Variants in TBC1D19 observed in about 807,000 individuals in gnomAD.
The protein encoded by TBC1D19 is TBC1 domain family member 19, also known as TBC1 domain family, member 19.
Under a neutral mutation model 89.0 loss-of-function variants are expected in TBC1D19, and 60 were observed. The ratio of observed to expected loss-of-function variants is 0.67; its 90% CI spans 0.55 to 0.84. The LOEUF (loss-of-function observed/expected upper bound fraction) is 0.84, where lower values mean the gene tolerates loss of function less well. Ranked by LOEUF, TBC1D19 falls within the 40% of genes least tolerant of loss-of-function variation. The pLI, the probability that TBC1D19 is intolerant of heterozygous loss-of-function variation, is 0.00. For synonymous variants in TBC1D19, 189 were observed against 199.7 expected, an observed-to-expected ratio of 0.95 and a Z score of 0.45; for missense variants, 500 against 610.8, an observed-to-expected ratio of 0.82 and a Z score of 1.91.
chr4:26,832,647 T>G, the TBC1D19 span, among the ~76,000 whole-genome samples: 2 of 152,166 alleles, frequency 1.3e-5, no homozygotes, highest in Non-Finnish European at 2.9e-5. Context: ...AGGAAGGAGC[T>G]GGACTGGACA....
At chr4:26,831,584 T>G in the TBC1D19 span, among the ~76,000 whole-genome samples, 8 of 130,088 alleles carry the variant, frequency 6.1e-5, no homozygotes, top group Admixed American at 2.1e-4. Flanking sequence ...TCTTCTTTTT[T>G]TTTTTTCTTT....
In TBC1D19 at chr4:26,755,827, A is replaced by G. The variant is rs974186736; in HGVS notation, c.*880A>G. ...CTGAGAGAGATTAAAAGTAGGTAGT[A>G]GGCATTCATTCTAAACTGCAGACAT... On this transcript the variant is annotated 3_prime_UTR_variant, in exon 21 of 21. Coordinates refer to ENST00000264866, the MANE Select transcript of TBC1D19 (RefSeq NM_018317.4). Among the ~76,000 whole-genome samples, 1 of 152,212 alleles carries G rather than the reference A, an allele frequency of 6.6e-6. No homozygotes were observed. Among genetic ancestry groups the G allele is most frequent in the Admixed American group, 6.5e-5 (1 of 15,276 alleles).
At chr4:26,813,441 G>T in the TBC1D19 span, among the ~76,000 whole-genome samples, 5 of 152,122 alleles carry the variant, frequency 3.3e-5, no homozygotes, top group Non-Finnish European at 7.4e-5. Flanking sequence ...AAATTAATGA[G>T]AAGTTATTTA....
chr4:26,739,945 G>C lies in TBC1D19; in HGVS notation c.1199G>C (p.Arg400Thr). 1 of 1,594,748 alleles carries C rather than the reference G, an allele frequency of 6.3e-7. No homozygotes were observed. The highest frequency in any genetic ancestry group is 8.5e-7 in the Non-Finnish European group (1 of 1,171,230). Reference sequence around the variant, plus strand: ...GAGATGTATGTGCGTTTTTTCTTCAGACTCCATTCCATCTCTTCTCATCCT... The same window carrying C: ...GAGATGTATGTGCGTTTTTTCTTCACACTCCATTCCATCTCTTCTCATCCT... ...FREMYVRFFFRLHSISSHPSG... is the reference protein window; with the variant it reads ...FREMYVRFFFTLHSISSHPSG... The change falls in exon 17 of 21, where the codon AGA becomes ACA. Residue 400 changes from arginine (R) to threonine (T), a missense_variant. Physicochemically the swap from Arg to Thr is moderately conservative, Grantham distance 71 (BLOSUM62 -1). Coordinates refer to ENST00000264866, the MANE Select transcript of TBC1D19 (RefSeq NM_018317.4).
the TBC1D19 span, among the ~76,000 whole-genome samples, chr4:26,799,306 C>G: frequency 6.6e-6 from 1 of 152,046 alleles, no homozygotes; most frequent in Non-Finnish European, 1.5e-5. Flanking sequence ...CACTGTACTC[C>G]AGCCTGGGTG....
chr4:26,666,040 C>T (rs888171133), intron 8 of TBC1D19, among the ~76,000 whole-genome samples: 9 of 151,818 alleles, frequency 5.9e-5, no homozygotes, highest in African/African-American at 2.2e-4. Flanking sequence ...GTGTCTTTCC[C>T]ATTATATATT....
chr4:26,631,418 G>A (rs1358874885), intron 4 of TBC1D19, among the ~76,000 whole-genome samples: 1 of 151,980 alleles, frequency 6.6e-6, no homozygotes, highest in African/African-American at 2.4e-5. Context: ...CAGGAATGCT[G>A]TTTTATTCAT....
At chr4:26,602,937 G>T (rs1740733450) in intron 1 of TBC1D19, among the ~76,000 whole-genome samples, 1 of 152,178 alleles carries the variant, frequency 6.6e-6, no homozygotes, top group Non-Finnish European at 1.5e-5. Flanking sequence ...AAATAAGATG[G>T]TTATCTAGAA....
intron 18 of TBC1D19, among the ~76,000 whole-genome samples, chr4:26,746,191 A>G (rs1235000605): frequency 6.6e-6 from 1 of 152,034 alleles, no homozygotes; most frequent in African/African-American, 2.4e-5. Flanking sequence ...AAGATGAAGA[A>G]AAATAAGGTT....
At chr4:26,772,965 CT>C in the TBC1D19 span, among the ~76,000 whole-genome samples, 1 of 152,142 alleles carries the variant, frequency 6.6e-6, no homozygotes, top group South Asian at 2.1e-4. Flanking sequence ...ATATATATTC[CT>C]TTGGGTATAT....
chr4:26,605,938 ATATTT>A (rs1292748248), intron 1 of TBC1D19, among the ~76,000 whole-genome samples: 5 of 152,194 alleles, frequency 3.3e-5, no homozygotes, highest in Admixed American at 2.0e-4. Flanking sequence ...TAATAAACAA[ATATTT>A]TAATTGTTTT....
At chr4:26,801,220 A>G in the TBC1D19 span, among the ~76,000 whole-genome samples, 1 of 152,232 alleles carries the variant, frequency 6.6e-6, no homozygotes, top group Non-Finnish European at 1.5e-5. Flanking sequence ...TCAGCTTTCT[A>G]CATATGGCTA....
At chr4:26,765,755 A>G in the TBC1D19 span, among the ~76,000 whole-genome samples, 4 of 152,078 alleles carry the variant, frequency 2.6e-5, no homozygotes, top group African/African-American at 4.8e-5. Context: ...TCTCTGCTCT[A>G]TCACTACACT....
the TBC1D19 span, among the ~76,000 whole-genome samples, chr4:26,792,816 C>T: frequency 1.3e-5 from 2 of 152,196 alleles, no homozygotes; most frequent in Admixed American, 1.3e-4. Flanking sequence ...AGCTGGGTTC[C>T]AGCCAGGCCT....
chr4:26,586,885 A>G lies in TBC1D19; in HGVS notation c.99+2593A>G, dbSNP rs571354802. On this transcript the variant is annotated intron_variant, in intron 1 of 20. Coordinates refer to ENST00000264866, the MANE Select transcript of TBC1D19 (RefSeq NM_018317.4). ...TTAAGATTTTCCAGGTACATGTATC[A>G]TAATGAACTAAAGACAGTTTTACTT... 3.3e-5 allele frequency among the ~76,000 whole-genome samples: 5 copies of G among 152,334 alleles called. No individual in the cohort carries two copies. The East Asian group carries it at 9.6e-4, about 29-fold the overall frequency.
the TBC1D19 span, among the ~76,000 whole-genome samples, chr4:26,784,685 G>A: frequency 3.1e-4 from 47 of 152,202 alleles, no homozygotes; most frequent in African/African-American, 7.7e-4. Context: ...GCTTTCCTCC[G>A]CCTACAAAGC....
At chr4:26,836,546 G>A in the TBC1D19 span, among the ~76,000 whole-genome samples, 5 of 152,206 alleles carry the variant, frequency 3.3e-5, no homozygotes, top group Non-Finnish European at 7.3e-5. Context: ...GCTCTGTAGA[G>A]GTACGAACAG....
intron 7 of TBC1D19, among the ~76,000 whole-genome samples, chr4:26,643,978 C>T (rs185114604): frequency 1.9e-4 from 29 of 152,210 alleles, no homozygotes; most frequent in South Asian, 8.3e-4. Context: ...GATTCACAGC[C>T]GAATTCTACC....
chr4:26,627,128 G>C (rs1159743133), intron 4 of TBC1D19, among the ~76,000 whole-genome samples: 8 of 151,804 alleles, frequency 5.3e-5, no homozygotes, highest in Admixed American at 5.2e-4. Context: ...CTATGAGTGA[G>C]AACATGCGGT....
Sources: gnomAD v4.1 joint callset for allele counts (sites outside exome capture counted in the v4.1 genomes callset) on GRCh38, gnomAD v4.1.1 for gene constraint, MANE v1.5 for transcripts, NCBI Gene and HGNC (gene_info 2026-07-23, HGNC 2026-07-21) for gene names.